MOK: variants seen among roughly 807,000 people sequenced by gnomAD.
The protein encoded by MOK is MAPK/MAK/MRK overlapping kinase.
In MOK, 59 loss-of-function variants were observed where a neutral mutation model predicts 54.2. The observed-to-expected ratio is 1.09, with a 90% CI of 0.88 to 1.35. The LOEUF (loss-of-function observed/expected upper bound fraction) is 1.35. MOK is among the 40% of genes most tolerant of loss of function. The pLI, the probability that MOK is intolerant of heterozygous loss-of-function variation, is 0.00. For missense variants in MOK, 517 were observed against 526.2 expected (o/e 0.98, Z 0.17); for synonymous variants, 210 against 202.7 (o/e 1.04, Z -0.31).
At chr14:102,271,936 T>C (rs2068404400) in intron 2 of MOK, among the ~76,000 whole-genome samples, 1 of 152,160 alleles carries the variant, frequency 6.6e-6, no homozygotes, top group Non-Finnish European at 1.5e-5. Flanking sequence ...TGGAGTGCAG[T>C]AGTGTAATCA....
In MOK at chr14:102,232,588, A is replaced by C; in HGVS notation, c.813T>G (p.Asp271Glu). 15 of 1,614,084 alleles carry C rather than the reference A, an allele frequency of 9.3e-6. No homozygotes were observed. Among genetic ancestry groups the C allele is most frequent in the Non-Finnish European group, 1.3e-5 (15 of 1,179,968 alleles). ...LLHAMVAYDP[D>E]ERIAAHQALQ... The stretch of plus-strand genomic sequence containing the variant: ...GGGCCTGGTGGGCGGCGATTCTCTC[A>C]TCGGGATCATAGGCCACCATTGCGT... Residue 271 changes from aspartate to glutamate, a missense_variant, in exon 9 of 12, where the codon GAT becomes GAG. Coordinates refer to ENST00000361847, the MANE Select transcript of MOK (RefSeq NM_014226.3). This position sits in a 1 kb window ranked among gnomAD's most constrained non-coding sequence, Gnocchi z 5.1.
At chr14:102,218,127 T>C in the MOK span, among the ~76,000 whole-genome samples, 5 of 152,368 alleles carry the variant, frequency 3.3e-5, no homozygotes, top group East Asian at 9.6e-4. Context: ...AGCGCTAGTC[T>C]GCCCGCCCGC....
rs767135878 is a variant in MOK, at chr14:102,250,964, A to C, written c.438T>G (p.Phe146Leu). The C allele has an allele frequency of 1.4e-5, 23 of 1,614,082 alleles. No individual in the cohort carries two copies. In the South Asian group the frequency reaches 2.3e-4, roughly 16 times the overall value. The stretch of plus-strand genomic sequence containing the variant: ...TGGAATAGACACTCCGGCAGGAGCC[A>C]AAGTCCCCTAATTTCAGGACATCCT... ...IKQDVLKLGDFGSCRSVYSKQ... is the reference protein window; with the variant it reads ...IKQDVLKLGDLGSCRSVYSKQ... The change falls in exon 7 of 12, where the codon TTT becomes TTG. Residue 146 changes from phenylalanine (F) to leucine (L), a missense_variant. By Grantham distance (22) the Phe-to-Leu change is conservative (BLOSUM62 0). Transcript: ENST00000361847.
intron 2 of MOK, among the ~76,000 whole-genome samples, chr14:102,281,624 T>A (rs1663777157): frequency 6.6e-6 from 1 of 151,994 alleles, no homozygotes; most frequent in African/African-American, 2.4e-5. Flanking sequence ...TTTTTAATTT[T>A]TGTAGAGATG....
Position 102,249,043 on chromosome 14 carries a change from G to A in MOK, c.590+1769C>T, listed in dbSNP as rs994832678. Among the ~76,000 whole-genome samples, 2 of 151,888 alleles carry A rather than the reference G, an allele frequency of 1.3e-5. No homozygotes were observed. Among genetic ancestry groups the A allele is most frequent in the Non-Finnish European group, 2.9e-5 (2 of 67,990 alleles). On this transcript the variant is annotated intron_variant, in intron 7 of 11. Transcript: ENST00000361847. The surrounding 1 kb of genome is among the most constrained non-coding windows in gnomAD (Gnocchi z 5.3). Reference sequence around the variant, plus strand: ...CGGAACGCGAGGAACTCAGCCTGGCGTGTGCAGCGACCCTCACCACACGGA... The same window carrying A: ...CGGAACGCGAGGAACTCAGCCTGGCATGTGCAGCGACCCTCACCACACGGA...
chr14:102,277,617 CAAA>C (rs560243565), intron 2 of MOK, among the ~76,000 whole-genome samples: 2 of 95,486 alleles, frequency 2.1e-5, no homozygotes, highest in Admixed American at 1.1e-4. Context: ...GACTCCGTCT[CAAA>C]AAAAAAAAAA....
rs1028120662 is a variant in MOK, at chr14:102,231,835, G to A, written c.867-14C>T. 1.2e-6 allele frequency: 2 copies of A among 1,607,792 alleles called. No individual in the cohort carries two copies. The highest frequency in any genetic ancestry group is 2.2e-5 in the South Asian group (2 of 90,886). On this transcript the variant is annotated splice_polypyrimidine_tract_variant and intron_variant, in intron 9 of 11. Coordinates refer to ENST00000361847, the MANE Select transcript of MOK (RefSeq NM_014226.3). This position sits in a 1 kb window ranked among gnomAD's most constrained non-coding sequence, Gnocchi z 4.4. ...TTCTCTGTTTTCCTACGGGGAAGGA[G>A]AAGAGAATGGAGCAGCTCCACTGAG...
At chr14:102,293,630 G>A (rs913895354) in intron 1 of MOK, among the ~76,000 whole-genome samples, 9 of 148,282 alleles carry the variant, frequency 6.1e-5, no homozygotes, top group South Asian at 4.3e-4. Flanking sequence ...CCCAGGAGGC[G>A]GAGGTTGCGG....
intron 1 of MOK, among the ~76,000 whole-genome samples, chr14:102,285,395 G>A (rs74082273): frequency 0.018 from 2,738 of 152,230 alleles, 93 homozygotes; most frequent in African/African-American, 0.063. Context: ...AAACTGCAGC[G>A]CTGAAGGTGG....
chr14:102,214,623 A>C, the MOK span: 1 of 985,084 alleles, frequency 1.0e-6, no homozygotes, highest in Non-Finnish European at 1.2e-6. Flanking sequence ...AGTTTATTAG[A>C]GATTGTTATG....
At chr14:102,263,721 T>C in intron 3 of MOK, 105 bp from the exon 4 acceptor site, 1 of 681,174 alleles carries the variant, frequency 1.5e-6, no homozygotes, top group Admixed American at 3.0e-5. Flanking sequence ...CATTAGGTAC[T>C]CCCACATCAA....
chr14:102,302,337 T>C (rs1380244804), intron 1 of MOK, among the ~76,000 whole-genome samples: 1 of 152,068 alleles, frequency 6.6e-6, no homozygotes, highest in Non-Finnish European at 1.5e-5. Context: ...CCTCTCAAAG[T>C]GCTGGGATTA....
intron 3 of MOK, among the ~76,000 whole-genome samples, 165 bp downstream of exon 3, chr14:102,265,658 C>G (rs1017405587): frequency 1.3e-5 from 2 of 152,012 alleles, no homozygotes; most frequent in Admixed American, 6.6e-5. Context: ...AAAAAAGAAT[C>G]AGATGCACAT....
intron 1 of MOK, among the ~76,000 whole-genome samples, chr14:102,289,559 G>A (rs1597581710): frequency 6.6e-6 from 1 of 151,806 alleles, no homozygotes; most frequent in Non-Finnish European, 1.5e-5. Context: ...AAGTGATCTC[G>A]GCTCACTACA....
chr14:102,256,212 T>A (rs897573454), intron 4 of MOK, among the ~76,000 whole-genome samples: 25 of 151,432 alleles, frequency 1.7e-4, no homozygotes, highest in African/African-American at 5.6e-4. Flanking sequence ...TCCTCCCACC[T>A]CAGCCTCCTG....
At chr14:102,263,444 T>C (rs1395578194) in intron 4 of MOK, 102 bp downstream of exon 4, 22 of 824,842 alleles carry the variant, frequency 2.7e-5, no homozygotes, top group Non-Finnish European at 3.9e-5. Context: ...TATATATAAC[T>C]ACAGCACTAT....
At chr14:102,285,095 A>G (rs1464215987) in intron 1 of MOK, among the ~76,000 whole-genome samples, 1 of 151,886 alleles carries the variant, frequency 6.6e-6, no homozygotes, top group Non-Finnish European at 1.5e-5. Flanking sequence ...AAAAAAAAAA[A>G]AAAAAGAAAA....
Position 102,232,637 on chromosome 14 carries a change from G to A in MOK, c.764C>T (p.Ser255Phe), listed in dbSNP as rs2064837293. Residue 255 changes from serine (S) to phenylalanine (F), a missense_variant, in exon 9 of 12, where the codon TCC (serine) becomes TTC (phenylalanine). Coordinates refer to ENST00000361847, the MANE Select transcript of MOK (RefSeq NM_014226.3). The surrounding 1 kb of genome is among the most constrained non-coding windows in gnomAD (Gnocchi z 5.1). ...SGIPLLTTNL[S>F]PQCLSLLHAM... ...GTGCAGGAGGGAGAGGCATTGTGGG[G>A]ACAAATTGGTTGTTAGTAGAGGTAT... 1 of 1,614,098 alleles carries A rather than the reference G, an allele frequency of 6.2e-7. No homozygotes were observed. Among genetic ancestry groups the A allele is most frequent in the Non-Finnish European group, 8.5e-7 (1 of 1,179,962 alleles).
the MOK span, among the ~76,000 whole-genome samples, chr14:102,217,200 G>A: frequency 6.6e-6 from 1 of 152,214 alleles, no homozygotes. Flanking sequence ...AGAGAGGATT[G>A]CAGGGCCAAG....
Sources: allele counts gnomAD v4.1 joint callset (sites outside exome capture counted in the v4.1 genomes callset), GRCh38; gene constraint gnomAD v4.1.1; non-coding constraint Gnocchi (gnomAD v3.1); transcripts MANE v1.5; gene names NCBI Gene and HGNC (gene_info 2026-07-23, HGNC 2026-07-21).